KCTD1: variants seen among roughly 807,000 people sequenced by gnomAD.
KCTD1 encodes BTB/POZ domain-containing protein KCTD1.
KCTD1 carries 24 observed loss-of-function variants against 66.0 expected under a neutral mutation model. The observed-to-expected ratio is 0.36, with a 90% CI of 0.26 to 0.51. KCTD1 has a LOEUF of 0.51. KCTD1 is among the 20% of genes least tolerant of loss of function. The probability of loss-of-function intolerance (pLI) is 0.95; values close to 1 mark genes in which losing one functional copy is unlikely to be tolerated. For synonymous variants in KCTD1, 511 were observed against 517.2 expected, an observed-to-expected ratio of 0.99 and a Z score of 0.16; for missense variants, 943 against 1,205.2, an observed-to-expected ratio of 0.78 and a Z score of 3.22.
At chr18:26,616,890 C>A (rs1987267808) in intron 1 of KCTD1, among the ~76,000 whole-genome samples, 1 of 152,174 alleles carries the variant, frequency 6.6e-6, no homozygotes, top group African/African-American at 2.4e-5. Flanking sequence ...AGAGACCTTG[C>A]CTTTTGGGAG....
intron 1 of KCTD1, chr18:26,565,724 T>G (rs1985966599): frequency 7.2e-6 from 1 of 138,620 alleles, no homozygotes; most frequent in Non-Finnish European, 1.6e-5. Context: ...TAGTGCCAAT[T>G]TTTTTTTTTT....
intron 1 of KCTD1, among the ~76,000 whole-genome samples, chr18:26,607,552 A>G (rs1310565901): frequency 6.6e-6 from 1 of 152,214 alleles, no homozygotes; most frequent in Non-Finnish European, 1.5e-5. Flanking sequence ...AACAATAAAT[A>G]TAGTTTCTTA....
chr18:26,503,263 G>A (rs1567970919), intron 1 of KCTD1, among the ~76,000 whole-genome samples: 1 of 152,078 alleles, frequency 6.6e-6, no homozygotes, highest in African/African-American at 2.4e-5. Flanking sequence ...CAGGATGTTT[G>A]TAACACACAA....
chr18:26,646,908 T>C (rs1987935381), intron 1 of KCTD1, among the ~76,000 whole-genome samples: 1 of 152,090 alleles, frequency 6.6e-6, no homozygotes, highest in Non-Finnish European at 1.5e-5. Flanking sequence ...AAATAAGAAA[T>C]GCCCCTGATT....
intron 1 of KCTD1, among the ~76,000 whole-genome samples, chr18:26,561,170 A>G (rs1026953838): frequency 0.017 from 1 of 58 alleles, no homozygotes; most frequent in Admixed American, 0.12. Context: ...CATTTGCTGA[A>G]AAAAAAAAAC....
At position 26,548,189 on chromosome 18, in the gene KCTD1, C is replaced by T. The variant is rs1189127902; in HGVS notation, c.348G>A (p.Glu116=). ...EPEDSAGEEL[E]PEPVHMINMD... is the part of the protein sequence containing the mutation. ...TATTGATCATATGGACCGGCTCGGG[C>T]TCCAGCTCCTCCCCGGCCGAGTCCT... Residue 116 remains glutamate, a synonymous_variant, in exon 1 of 5, where the codon GAG becomes GAA. Coordinates refer to ENST00000580059, the MANE Select transcript of KCTD1 (RefSeq NM_001142730.3). 12 of 1,502,412 alleles carry T rather than the reference C, an allele frequency of 8.0e-6. No homozygotes were observed. The highest frequency in any genetic ancestry group is 9.7e-6 in the Non-Finnish European group (11 of 1,129,156). 93.1% of individuals were successfully genotyped at this position (1,502,412 alleles called of 1,614,324 possible).
At chr18:26,524,268 G>A (rs923160219) in intron 1 of KCTD1, among the ~76,000 whole-genome samples, 1 of 152,108 alleles carries the variant, frequency 6.6e-6, no homozygotes, top group African/African-American at 2.4e-5. Flanking sequence ...CAAGGTGAAG[G>A]CGCCAAGGAG....
Position 26,570,164 on chromosome 18 carries a change from C to T in KCTD1, c.-16+58983G>A, listed in dbSNP as rs1230587312. On this transcript the variant is annotated intron_variant, in intron 1 of 4. Coordinates refer to the KCTD1 transcript ENST00000317932. ...TTGTGCCACTGCATTGCAGCCTGGG[C>T]GACAGAGCAAGACTCCATCTAAAAA... 8.5e-5 allele frequency among the ~76,000 whole-genome samples: 11 copies of T among 129,120 alleles called. No homozygotes were observed. The East Asian group carries it at 9.3e-4, about 11-fold the overall frequency. 84.7% of individuals were successfully genotyped at this position (129,120 alleles called of 152,430 possible).
At chr18:26,615,639 C>G (rs73405354) in intron 1 of KCTD1, among the ~76,000 whole-genome samples, 1 of 152,156 alleles carries the variant, frequency 6.6e-6, no homozygotes, top group Non-Finnish European at 1.5e-5. Context: ...ATTTGAGATA[C>G]AGCATTCTAC....
At chr18:26,582,605 A>G (rs1986380351) in intron 1 of KCTD1, among the ~76,000 whole-genome samples, 1 of 152,210 alleles carries the variant, frequency 6.6e-6, no homozygotes, top group South Asian at 2.1e-4. Flanking sequence ...TTATTTATTG[A>G]GACATTGCTT....
chr18:26,499,852 T>C (rs1370883339), intron 2 of KCTD1, among the ~76,000 whole-genome samples: 1 of 152,228 alleles, frequency 6.6e-6, no homozygotes, highest in Non-Finnish European at 1.5e-5. Flanking sequence ...CCTACATGAA[T>C]GCATGCCTCC....
chr18:26,576,461 G>T (rs16942421), intron 1 of KCTD1, among the ~76,000 whole-genome samples: 10,515 of 152,170 alleles, frequency 0.069, 405 homozygotes, highest in Admixed American at 0.091. Context: ...TGAATGTACT[G>T]TTGCCAGTCT....
chr18:26,614,886 AGT>A (rs949237995), intron 1 of KCTD1, among the ~76,000 whole-genome samples: 62 of 152,390 alleles, frequency 4.1e-4, no homozygotes, highest in African/African-American at 1.4e-3. Context: ...GTGTGGCACA[AGT>A]GTAAGAATAC....
intron 1 of KCTD1, among the ~76,000 whole-genome samples, chr18:26,627,523 C>A (rs1987529431): frequency 6.6e-6 from 1 of 152,144 alleles, no homozygotes; most frequent in Non-Finnish European, 1.5e-5. Context: ...AATTGTGCAA[C>A]TAATTATCCC....
At chr18:26,600,217 T>C (rs1436386442) in intron 1 of KCTD1, 2 of 1,601,882 alleles carry the variant, frequency 1.2e-6, no homozygotes, top group Non-Finnish European at 1.7e-6. Flanking sequence ...CCAGCCCAAG[T>C]CGGCTTGTGG....
chr18:26,509,558 G>C (rs891987382), intron 1 of KCTD1, among the ~76,000 whole-genome samples: 4 of 151,862 alleles, frequency 2.6e-5, no homozygotes, highest in African/African-American at 9.7e-5. Flanking sequence ...ATGAGAAGTG[G>C]GATTACTGGT....
chr18:26,600,178 AAAGAG>A (rs1986856754), intron 1 of KCTD1: 1 of 1,603,760 alleles, frequency 6.2e-7, no homozygotes, highest in African/African-American at 1.3e-5. Flanking sequence ...AGAACTGGAA[AAAGAG>A]AAGTCAAGGG....
At chr18:26,523,201 G>A (rs1489922830) in intron 1 of KCTD1, among the ~76,000 whole-genome samples, 2 of 152,138 alleles carry the variant, frequency 1.3e-5, no homozygotes, top group East Asian at 3.8e-4. Context: ...GAAACACTGA[G>A]TTAAACAGGC....
intron 1 of KCTD1, chr18:26,545,850 A>C (rs1202477921): frequency 6.6e-6 from 1 of 152,104 alleles, no homozygotes; most frequent in Non-Finnish European, 1.5e-5. Flanking sequence ...CTTAGACTTA[A>C]ATCATGTTAG....
Sources: allele counts gnomAD v4.1 joint callset (sites outside exome capture counted in the v4.1 genomes callset), GRCh38; gene constraint gnomAD v4.1.1; transcripts MANE v1.5; gene names NCBI Gene and HGNC (gene_info 2026-07-23, HGNC 2026-07-21).